LZTS1: variants seen among roughly 807,000 people sequenced by gnomAD.
LZTS1 encodes leucine zipper putative tumor suppressor 1.
LZTS1 carries 31 observed loss-of-function variants against 45.8 expected under a neutral mutation model. The observed-to-expected ratio is 0.68, with a 90% CI of 0.51 to 0.91. LZTS1 has a LOEUF of 0.91. Among genes scored for constraint, LZTS1 ranks in the 40% least tolerant of loss-of-function variants. The probability of loss-of-function intolerance (pLI) is 0.00; values close to 1 mark genes in which losing one functional copy is unlikely to be tolerated. For synonymous variants in LZTS1, 359 were observed against 357.3 expected, an observed-to-expected ratio of 1.00 and a Z score of -0.05; for missense variants, 821 against 788.9, an observed-to-expected ratio of 1.04 and a Z score of -0.49.
rs746248717 is a variant in LZTS1, at chr8:20,249,678, C to A, written c.*44G>T. ...AGGGGGGATGCACGGGAGAGCCCTG[C>A]CTCCCAGTGCCAGGTCCCCAGACTC... On this transcript the variant is annotated 3_prime_UTR_variant, in exon 4 of 4. Coordinates refer to ENST00000381569, the MANE Select transcript of LZTS1 (RefSeq NM_021020.5). The A allele has an allele frequency of 1.3e-6, 2 of 1,561,254 alleles. No homozygotes were observed. The highest frequency in any genetic ancestry group is 4.5e-5 in the East Asian group (2 of 44,466).
intron 1 of LZTS1, among the ~76,000 whole-genome samples, chr8:20,255,805 T>C (rs1486416870): frequency 6.6e-6 from 1 of 152,082 alleles, no homozygotes. Flanking sequence ...CCAGGCATGA[T>C]GGTTCACACC....
Position 20,248,383 on chromosome 8 carries a change from A to T in LZTS1, c.*1339T>A, listed in dbSNP as rs923628327. 1 of 152,332 alleles carries T rather than the reference A, an allele frequency of 6.6e-6. No individual in the cohort carries two copies. The highest frequency in any genetic ancestry group is 6.5e-5 in the Admixed American group (1 of 15,272). The allele number at this position is 152,332 out of a possible 1,614,324, so 9.4% of individuals were successfully genotyped here. Reference sequence around the variant, plus strand: ...GAAACTCCACCTTTTATCTCTCTCTACCACCGCCTCCCGCTCCGCACATCT... The same window carrying T: ...GAAACTCCACCTTTTATCTCTCTCTTCCACCGCCTCCCGCTCCGCACATCT... On this transcript the variant is annotated 3_prime_UTR_variant, in exon 4 of 4. Coordinates refer to ENST00000381569, the MANE Select transcript of LZTS1 (RefSeq NM_021020.5).
Position 20,249,757 on chromosome 8 carries a change from T to C in LZTS1, c.1756A>G (p.Ile586Val). Residue 586 changes from isoleucine to valine, a missense_variant, in exon 4 of 4, where the codon ATC (isoleucine) becomes GTC (valine). Coordinates refer to ENST00000381569, the MANE Select transcript of LZTS1 (RefSeq NM_021020.5). ...PLEVDLEGAD[I>V]PYEDIIATEI is the part of the protein sequence containing the mutation. ...GTGGCTATGATGTCCTCGTAGGGGA[T>C]GTCAGCCCCTTCCAGGTCAACCTCC... is the stretch of plus-strand genomic sequence containing the variant. 6.2e-7 allele frequency: 1 copy of C among 1,612,046 alleles called. No individual in the cohort carries two copies. The highest frequency in any genetic ancestry group is 8.5e-7 in the Non-Finnish European group (1 of 1,179,844).
intron 1 of LZTS1, among the ~76,000 whole-genome samples, chr8:20,261,838 A>G (rs2128894403): frequency 6.6e-6 from 1 of 152,326 alleles, no homozygotes; most frequent in Admixed American, 6.5e-5. Context: ...GCCGCCATGC[A>G]GTGAGCAGGG....
In LZTS1 at chr8:20,248,197, G is replaced by C. The variant is rs1585269305; in HGVS notation, c.*1525C>G. 1 of 152,194 alleles carries C rather than the reference G, an allele frequency of 6.6e-6. No homozygotes were observed. Among genetic ancestry groups the C allele is most frequent in the Non-Finnish European group, 1.5e-5 (1 of 68,142 alleles). 9.4% of individuals were successfully genotyped at this position (152,194 alleles called of 1,614,324 possible). On this transcript the variant is annotated 3_prime_UTR_variant, in exon 4 of 4. Coordinates refer to ENST00000381569, the MANE Select transcript of LZTS1 (RefSeq NM_021020.5). ...TAGCCAGGCACGGTGGCGCGCACCT[G>C]TAGTCCCAGCTAGTTGGAAGGCTGA...
chr8:20,282,993 T>C (rs1369983914), intron 1 of LZTS1, among the ~76,000 whole-genome samples: 1 of 152,164 alleles, frequency 6.6e-6, no homozygotes, highest in African/African-American at 2.4e-5. Context: ...TTCTCTTCCA[T>C]CCTCATGCAC....
rs1393003225 is a variant in LZTS1, at chr8:20,252,873, A to G, written c.1058T>C (p.Met353Thr). Residue 353 changes from methionine to threonine, a missense_variant, in exon 3 of 4, where the codon ATG (methionine) becomes ACG (threonine). Met to Thr is a moderately conservative substitution (Grantham distance 81). Transcript: ENST00000381569. The part of the protein sequence containing the change: ...RQLRQELESL[M>T]KEQDLLETKL... The stretch of plus-strand genomic sequence containing the variant: ...GGTCTCCAGCAGGTCCTGCTCCTTC[A>G]TGAGGCTCTCGAGCTCCTGCCGGAG... 6.2e-7 allele frequency: 1 copy of G among 1,611,000 alleles called. No homozygotes were observed. Among genetic ancestry groups the G allele is most frequent in the African/African-American group, 1.3e-5 (1 of 74,850 alleles).
chr8:20,295,251 C>T (rs1350253316), intron 1 of LZTS1, among the ~76,000 whole-genome samples: 4 of 152,222 alleles, frequency 2.6e-5, no homozygotes, highest in Non-Finnish European at 4.4e-5. Flanking sequence ...AGCCCATGTG[C>T]CAGGTGGAGA....
intron 1 of LZTS1, among the ~76,000 whole-genome samples, chr8:20,291,718 G>A (rs1190536409): frequency 2.5e-5 from 3 of 122,284 alleles, no homozygotes; most frequent in African/African-American, 9.6e-5. Flanking sequence ...TTACCTATTT[G>A]TAACACATTT....
At chr8:20,255,896 G>A (rs1800086439) in intron 1 of LZTS1, among the ~76,000 whole-genome samples, 2 of 151,706 alleles carry the variant, frequency 1.3e-5, no homozygotes, top group Non-Finnish European at 2.9e-5. Flanking sequence ...GCAACTTAGA[G>A]AAACCCCATT....
At chr8:20,288,228 A>C (rs1338311653) in intron 1 of LZTS1, among the ~76,000 whole-genome samples, 1 of 151,904 alleles carries the variant, frequency 6.6e-6, no homozygotes, top group African/African-American at 2.4e-5. Flanking sequence ...TTCTGAAATC[A>C]CCGCCTCGCT....
intron 1 of LZTS1, among the ~76,000 whole-genome samples, chr8:20,276,123 T>C (rs1460792333): frequency 3.3e-5 from 5 of 152,198 alleles, no homozygotes; most frequent in African/African-American, 1.2e-4. Context: ...AATATAATCC[T>C]GGGATAGATT....
intron 1 of LZTS1, among the ~76,000 whole-genome samples, chr8:20,261,467 G>A (rs1399842769): frequency 2.6e-5 from 4 of 152,054 alleles, no homozygotes; most frequent in Admixed American, 2.6e-4. Flanking sequence ...ACGGGGAGGG[G>A]CCCGGGATAT....
intron 1 of LZTS1, among the ~76,000 whole-genome samples, chr8:20,298,872 T>C (rs1801021436): frequency 6.6e-6 from 1 of 151,814 alleles, no homozygotes; most frequent in Non-Finnish European, 1.5e-5. Flanking sequence ...CAAGATCTTG[T>C]CTCTAAAAAA....
chr8:20,250,274 C>T lies in LZTS1; in HGVS notation c.1239G>A (p.Leu413=). Residue 413 remains leucine (L), a synonymous_variant, in exon 4 of 4, where the codon CTG becomes CTA. Coordinates refer to ENST00000381569, the MANE Select transcript of LZTS1 (RefSeq NM_021020.5). The part of the protein sequence containing the change: ...TEVNAKASEI[L]GLKAQLKDTR... ...TGTCCTTCAGCTGTGCCTTGAGACC[C>T]AGGATCTCGCTAGCCTTGGCGTTCA... is the stretch of plus-strand genomic sequence containing the variant. 6.2e-7 allele frequency: 1 copy of T among 1,613,904 alleles called. No homozygotes were observed. The highest frequency in any genetic ancestry group is 1.1e-5 in the South Asian group (1 of 91,088).
rs1285008605 is a variant in LZTS1, at chr8:20,250,065, GCGGCCTGGGCC to G, written c.1437_1447del (p.Ala480ProfsTer36). The stretch of plus-strand genomic sequence containing the variant: ...GGGCGGCCCCATGTCGCGGGCCAGG[GCGGCCTGGGCC>G]CGCAGCTCCTGCAGCTCCTGCTCCA... On this transcript the variant is annotated frameshift_variant, in exon 4 of 4. Transcript: ENST00000381569. LOFTEE classifies it high-confidence loss of function. 3.7e-6 allele frequency: 6 copies of G among 1,607,348 alleles called. No individual in the cohort carries two copies. The highest frequency in any genetic ancestry group is 5.1e-6 in the Non-Finnish European group (6 of 1,179,136).
chr8:20,288,362 C>T (rs1800833758), intron 1 of LZTS1, among the ~76,000 whole-genome samples: 2 of 152,324 alleles, frequency 1.3e-5, no homozygotes, highest in Middle Eastern at 3.4e-3. Context: ...CCCTCCCTCG[C>T]CATCACCTCT....
At chr8:20,265,845 T>C (rs929696788) in intron 1 of LZTS1, among the ~76,000 whole-genome samples, 2 of 152,220 alleles carry the variant, frequency 1.3e-5, no homozygotes, top group African/African-American at 4.8e-5. Context: ...CAGTTGCTCC[T>C]CAGTGCTCAG....
At position 20,274,419 on chromosome 8, in the gene LZTS1, C is replaced by T. The variant is rs539472530; in HGVS notation, c.-134-19104G>A. 3.3e-5 allele frequency among the ~76,000 whole-genome samples: 5 copies of T among 152,168 alleles called. No homozygotes were observed. The East Asian group carries it at 9.6e-4, about 29-fold the overall frequency. ...TCATCCTAGGGAACCCCTTGGAATA[C>T]ACTAGGTAGCTTGGAGCATAGCGGC... is the stretch of plus-strand genomic sequence containing the variant. On this transcript the variant is annotated intron_variant, in intron 1 of 3. Transcript: ENST00000381569.
Sources: allele counts gnomAD v4.1 joint callset (sites outside exome capture counted in the v4.1 genomes callset), GRCh38; gene constraint gnomAD v4.1.1; transcripts MANE v1.5; gene names NCBI Gene and HGNC (gene_info 2026-07-23, HGNC 2026-07-21).